Variants in RARB observed in about 807,000 individuals in gnomAD.
RARB encodes the protein HBV-activated protein.
A neutral mutation model predicts 51.9 loss-of-function variants in RARB; 17 were observed. The observed-to-expected ratio is 0.33, with a 90% CI of 0.22 to 0.49. The LOEUF (loss-of-function observed/expected upper bound fraction) is 0.49, where lower values mean the gene tolerates loss of function less well. Ranked by LOEUF, RARB falls within the 20% of genes least tolerant of loss-of-function variation. The pLI is 0.99. For synonymous variants in RARB, 215 were observed against 195.4 expected (o/e 1.10, Z -0.84); for missense variants, 369 against 550.8 (o/e 0.67, Z 3.30).
At chr3:24,877,582 C>T (rs1197358260) in intron 2 of RARB, among the ~76,000 whole-genome samples, 1 of 152,054 alleles carries the variant, frequency 6.6e-6, no homozygotes, top group African/African-American at 2.4e-5. Flanking sequence ...ATACCAGGTA[C>T]AGCTGAGGTT....
rs890837536 is a variant in RARB, at chr3:24,971,691, C to T, written c.-379-88434C>T. ...GATTACATGATCAGAGCAGTGGCTT[C>T]AGCTTTCTGGAACAGTAAGGATAAT... On this transcript the variant is annotated intron_variant, in intron 2 of 11. Transcript: ENST00000383772. 3.3e-5 allele frequency among the ~76,000 whole-genome samples: 5 copies of T among 152,116 alleles called. No individual in the cohort carries two copies. In the East Asian group the frequency reaches 5.8e-4, roughly 18 times the overall value.
intron 3 of RARB, among the ~76,000 whole-genome samples, chr3:25,129,237 A>G (rs1449167747): frequency 6.6e-6 from 1 of 152,068 alleles, no homozygotes; most frequent in African/African-American, 2.4e-5. Flanking sequence ...CACTCTATCA[A>G]TTTTTTGTTT....
At chr3:25,064,448 A>G (rs1196460955) in intron 3 of RARB, among the ~76,000 whole-genome samples, 1 of 152,140 alleles carries the variant, frequency 6.6e-6, no homozygotes, top group African/African-American at 2.4e-5. Context: ...TGTCTTTTTC[A>G]CATACAGTTG....
chr3:25,542,863 T>G (rs955771742), intron 3 of RARB, among the ~76,000 whole-genome samples: 2 of 152,194 alleles, frequency 1.3e-5, no homozygotes, highest in Admixed American at 1.3e-4. Flanking sequence ...TGTGAAGTGT[T>G]TAGTATTGTT....
chr3:24,912,217 G>C (rs150528743), intron 2 of RARB, among the ~76,000 whole-genome samples: 1 of 152,104 alleles, frequency 6.6e-6, no homozygotes, highest in Non-Finnish European at 1.5e-5. Flanking sequence ...GTGTCCACGA[G>C]CTTTTGTTGG....
intron 5 of RARB, among the ~76,000 whole-genome samples, chr3:25,395,675 C>T (rs1707093981): frequency 6.6e-6 from 1 of 152,082 alleles, no homozygotes; most frequent in Non-Finnish European, 1.5e-5. Flanking sequence ...CTTTCTTCTA[C>T]TTGTTCAACT....
chr3:25,068,130 T>C (rs1224245751), intron 3 of RARB, among the ~76,000 whole-genome samples: 7 of 57,510 alleles, frequency 1.2e-4, no homozygotes. Context: ...AGAGACTCCA[T>C]CTCAAAAAAA....
chr3:24,842,882 C>T (rs1304360474), intron 1 of RARB, among the ~76,000 whole-genome samples: 2 of 152,230 alleles, frequency 1.3e-5, no homozygotes, highest in African/African-American at 4.8e-5. Context: ...ACGATAGTCA[C>T]ATGTTCGTTC....
intron 3 of RARB, among the ~76,000 whole-genome samples, chr3:25,531,318 A>G (rs1407862153): frequency 6.6e-6 from 1 of 152,166 alleles, no homozygotes; most frequent in Admixed American, 6.5e-5. Flanking sequence ...AAGTCAGGGC[A>G]GGACACTCTG....
intron 5 of RARB, among the ~76,000 whole-genome samples, chr3:25,194,571 A>C (rs1466423790): frequency 6.6e-6 from 1 of 151,042 alleles, no homozygotes; most frequent in African/African-American, 2.4e-5. Context: ...AAATACATAC[A>C]ATTTAATAAA....
intron 5 of RARB, among the ~76,000 whole-genome samples, chr3:25,359,914 A>G (rs1333376822): frequency 6.6e-6 from 1 of 152,148 alleles, no homozygotes; most frequent in Non-Finnish European, 1.5e-5. Flanking sequence ...TGATTTTAGA[A>G]TAAGTGCTAT....
At chr3:25,382,072 A>C (rs1176861128) in intron 5 of RARB, among the ~76,000 whole-genome samples, 1 of 152,222 alleles carries the variant, frequency 6.6e-6, no homozygotes, top group Non-Finnish European at 1.5e-5. Context: ...TTAGCATCAT[A>C]TCATGTCTTT....
chr3:24,978,339 C>T (rs1238284858), intron 2 of RARB, among the ~76,000 whole-genome samples: 1 of 152,092 alleles, frequency 6.6e-6, no homozygotes, highest in Non-Finnish European at 1.5e-5. Flanking sequence ...GTACCAGCTC[C>T]TTTTTGTACC....
At chr3:25,141,991 T>C (rs967006023) in intron 4 of RARB, among the ~76,000 whole-genome samples, 2 of 152,222 alleles carry the variant, frequency 1.3e-5, no homozygotes, top group Non-Finnish European at 2.9e-5. Flanking sequence ...ATTCCAAGTG[T>C]AGTCCTAGGA....
intron 3 of RARB, among the ~76,000 whole-genome samples, chr3:25,113,424 T>C (rs1352497257): frequency 2.0e-5 from 3 of 152,210 alleles, no homozygotes; most frequent in African/African-American, 7.2e-5. Context: ...TTCCTAATAA[T>C]AAACATACAG....
intron 3 of RARB, among the ~76,000 whole-genome samples, chr3:25,066,209 TTTCAATTTCTCCAA>T (rs533271589): frequency 0.01 from 1,571 of 152,284 alleles, 16 homozygotes; most frequent in Middle Eastern, 0.02. Context: ...TAAAACATGC[TTTCAATTTCTCCAA>T]TGTAATATTC....
intron 4 of RARB, among the ~76,000 whole-genome samples, chr3:25,166,640 T>C (rs1700565865): frequency 6.6e-6 from 1 of 152,190 alleles, no homozygotes; most frequent in Non-Finnish European, 1.5e-5. Context: ...ATCAGCCACA[T>C]TGTGAGTAAA....
intron 3 of RARB, among the ~76,000 whole-genome samples, chr3:25,122,819 C>T (rs532694261): frequency 6.6e-6 from 1 of 152,142 alleles, no homozygotes; most frequent in Non-Finnish European, 1.5e-5. Flanking sequence ...ACAGAATATT[C>T]TCACATTTCC....
intron 3 of RARB, among the ~76,000 whole-genome samples, chr3:25,064,278 T>C (rs1575142946): frequency 6.6e-6 from 1 of 152,170 alleles, no homozygotes; most frequent in Non-Finnish European, 1.5e-5. Flanking sequence ...GTTGAAATAT[T>C]ATCTCATAAA....
Sources: allele counts gnomAD v4.1 joint callset (sites outside exome capture counted in the v4.1 genomes callset), GRCh38; gene constraint gnomAD v4.1.1; transcripts MANE v1.5; gene names NCBI Gene and HGNC (gene_info 2026-07-23, HGNC 2026-07-21).